Variants in ANKS1B observed in about 807,000 individuals in gnomAD.
ANKS1B encodes ankyrin repeat and sterile alpha motif domain containing 1B.
Under a neutral mutation model 148.3 loss-of-function variants are expected in ANKS1B, and 36 were observed. The observed-to-expected ratio is 0.24, with a 90% CI of 0.19 to 0.32. The LOEUF is 0.32. ANKS1B is among the 10% of genes least tolerant of loss of function. The pLI is 1.00. For missense variants in ANKS1B, 1,157 were observed against 1,542.6 expected (o/e 0.75, Z 4.19); for synonymous variants, 542 against 560.8 (o/e 0.97, Z 0.47).
chr12:99,075,833 A>C (rs1319039526), intron 16 of ANKS1B, among the ~76,000 whole-genome samples: 9 of 97,152 alleles, frequency 9.3e-5, no homozygotes, highest in Non-Finnish European at 2.2e-4. Flanking sequence ...TATCGTATAT[A>C]TAATATATGT....
chr12:99,250,447 A>G (rs551672607), intron 12 of ANKS1B, among the ~76,000 whole-genome samples: 4 of 152,250 alleles, frequency 2.6e-5, no homozygotes, highest in Non-Finnish European at 5.9e-5. Context: ...CACAAATAAA[A>G]TAGAAAATAA....
intron 17 of ANKS1B, among the ~76,000 whole-genome samples, chr12:98,892,454 G>A (rs578221122): frequency 6.6e-5 from 10 of 152,126 alleles, no homozygotes; most frequent in Non-Finnish European, 1.5e-4. Context: ...ACCCTATTTC[G>A]AATATGTAGA....
At chr12:99,604,801 G>T (rs1358157609) in intron 9 of ANKS1B, among the ~76,000 whole-genome samples, 2 of 132,392 alleles carry the variant, frequency 1.5e-5, no homozygotes, top group Non-Finnish European at 1.6e-5. Context: ...GGCGACAAGG[G>T]CAAAACTCTA....
chr12:98,906,892 T>C (rs979851076), intron 17 of ANKS1B, among the ~76,000 whole-genome samples: 2 of 152,218 alleles, frequency 1.3e-5, no homozygotes, highest in African/African-American at 4.8e-5. Context: ...AAGCAAAACA[T>C]GTACACCTGT....
Position 99,528,484 on chromosome 12 carries a change from G to A in ANKS1B, c.1273-23843C>T, listed in dbSNP as rs567246291. On this transcript the variant is annotated intron_variant, in intron 9 of 26. Transcript: ENST00000683438. ...CAACAGAGTAAACAGACAACCTACA[G>A]AATGGGAGAAAATATTTGCAAAGTA... Among the ~76,000 whole-genome samples the A allele has an allele frequency of 3.9e-3, 558 of 144,618 alleles. 4 individuals carry two copies. Among genetic ancestry groups the A allele is most frequent in the African/African-American group, 0.014 (540 of 39,576 alleles). 94.9% of individuals were successfully genotyped at this position (144,618 alleles called of 152,430 possible).
At chr12:99,808,008 T>G (rs1293596838) in intron 3 of ANKS1B, among the ~76,000 whole-genome samples, 1 of 152,038 alleles carries the variant, frequency 6.6e-6, no homozygotes, top group Non-Finnish European at 1.5e-5. Flanking sequence ...CCAAGTAGAA[T>G]TAAGATATTT....
At chr12:98,778,815 A>G (rs2098705776) in intron 24 of ANKS1B, among the ~76,000 whole-genome samples, 1 of 152,098 alleles carries the variant, frequency 6.6e-6, no homozygotes, top group African/African-American at 2.4e-5. Context: ...CTAACCTGCT[A>G]AACACAATCT....
intron 9 of ANKS1B, among the ~76,000 whole-genome samples, chr12:99,508,705 T>C (rs930727640): frequency 7.2e-5 from 11 of 151,844 alleles, no homozygotes; most frequent in Non-Finnish European, 1.6e-4. Context: ...ACATTTTTGT[T>C]CATATATTTT....
At chr12:99,035,604 T>C (rs1487687074) in intron 17 of ANKS1B, among the ~76,000 whole-genome samples, 1 of 152,174 alleles carries the variant, frequency 6.6e-6, no homozygotes, top group Non-Finnish European at 1.5e-5. Flanking sequence ...TTTCTCTTAG[T>C]AATCTGCTTG....
At position 99,211,763 on chromosome 12, in the gene ANKS1B, T is replaced by C. The variant is rs570916010; in HGVS notation, c.2419+32579A>G. ...ATGCTAATTTTTGTGGACTGGCCCA[T>C]TGAAGTGGTATTGAGCTAGAATTAT... is the stretch of plus-strand genomic sequence containing the variant. On this transcript the variant is annotated intron_variant, in intron 14 of 26. Transcript: ENST00000683438. 3.3e-5 allele frequency among the ~76,000 whole-genome samples: 5 copies of C among 152,278 alleles called. No homozygotes were observed. In the East Asian group the frequency reaches 9.7e-4, roughly 29 times the overall value.
intron 10 of ANKS1B, among the ~76,000 whole-genome samples, chr12:99,447,056 A>G (rs974130377): frequency 6.6e-6 from 1 of 152,078 alleles, no homozygotes; most frequent in Non-Finnish European, 1.5e-5. Flanking sequence ...ACATTACACT[A>G]CCTGACTTCA....
intron 14 of ANKS1B, among the ~76,000 whole-genome samples, chr12:99,241,276 G>A (rs1315855353): frequency 3.3e-5 from 5 of 152,282 alleles, no homozygotes; most frequent in South Asian, 4.2e-4. Context: ...ACACCTCTAC[G>A]CAAATGAAGT....
intron 9 of ANKS1B, among the ~76,000 whole-genome samples, chr12:99,526,189 G>A (rs917535499): frequency 6.6e-6 from 1 of 152,146 alleles, no homozygotes; most frequent in African/African-American, 2.4e-5. Context: ...TTATATAAAA[G>A]TTAAAAGACT....
chr12:99,527,288 A>T (rs1194563266), intron 9 of ANKS1B, among the ~76,000 whole-genome samples: 1 of 152,228 alleles, frequency 6.6e-6, no homozygotes, highest in East Asian at 1.9e-4. Flanking sequence ...TGGGAAAAAA[A>T]TAACAATTAG....
At position 99,082,721 on chromosome 12, in the gene ANKS1B, T is replaced by C. The variant is rs1156296390; in HGVS notation, c.2625+2204A>G. ...ATAGAGGTGGTTGGTGAGGACTAGG[T>C]TGATAATTACTTAGATGGTAAGGAG... On this transcript the variant is annotated intron_variant, in intron 16 of 26. Transcript: ENST00000683438. Among the ~76,000 whole-genome samples the C allele has an allele frequency of 3.3e-5, 5 of 152,038 alleles. No homozygotes were observed. In the East Asian group the frequency reaches 7.7e-4, roughly 24 times the overall value.
At chr12:98,891,807 T>G (rs370408854) in intron 17 of ANKS1B, among the ~76,000 whole-genome samples, 1 of 152,216 alleles carries the variant, frequency 6.6e-6, no homozygotes, top group South Asian at 2.1e-4. Flanking sequence ...CAAACACTTA[T>G]GCTTTGTTGT....
intron 17 of ANKS1B, among the ~76,000 whole-genome samples, chr12:98,855,181 A>AG (rs978819658): frequency 3.3e-5 from 5 of 152,084 alleles, no homozygotes; most frequent in Non-Finnish European, 7.4e-5. Context: ...AAAAAAAAAA[A>AG]AAATCTCTTA....
intron 12 of ANKS1B, among the ~76,000 whole-genome samples, chr12:99,280,392 G>T (rs2078257804): frequency 6.6e-6 from 1 of 152,072 alleles, no homozygotes; most frequent in Admixed American, 6.5e-5. Context: ...TCCTTTATAG[G>T]TAGGTGACCA....
intron 12 of ANKS1B, among the ~76,000 whole-genome samples, chr12:99,375,716 A>C (rs954061876): frequency 6.6e-6 from 1 of 152,208 alleles, no homozygotes; most frequent in Non-Finnish European, 1.5e-5. Context: ...TAAATGGGAC[A>C]AAGGCTTTAT....
Sources: allele counts gnomAD v4.1 joint callset (sites outside exome capture counted in the v4.1 genomes callset), GRCh38; gene constraint gnomAD v4.1.1; transcripts MANE v1.5; gene names NCBI Gene and HGNC (gene_info 2026-07-23, HGNC 2026-07-21).